The following SVIL variants were observed in gnomAD, a reference collection of about 807,000 sequenced individuals.
SVIL encodes the protein archvillin.
In SVIL, 101 loss-of-function variants were observed where a neutral mutation model predicts 240.4. That is an observed-to-expected ratio of 0.42 (90% CI 0.36 to 0.50). The LOEUF (loss-of-function observed/expected upper bound fraction) is 0.50, where lower values mean the gene tolerates loss of function less well. Ranked by LOEUF, SVIL falls within the 20% of genes least tolerant of loss-of-function variation. The probability of loss-of-function intolerance (pLI) is 0.01; values close to 1 mark genes in which losing one functional copy is unlikely to be tolerated. For missense variants in SVIL, 2,512 were observed against 2,818.7 expected (o/e 0.89, Z 2.46); for synonymous variants, 999 against 1,100.0 (o/e 0.91, Z 1.82).
intron 22 of SVIL, among the ~76,000 whole-genome samples, 199 bp downstream of exon 22, chr10:29,490,648 C>T (rs1947868253): frequency 6.6e-6 from 1 of 151,120 alleles, no homozygotes; most frequent in Non-Finnish European, 1.5e-5. Flanking sequence ...ACAGGTGATA[C>T]ACACTTTGAG....
At chr10:29,590,164 TCA>T (rs1956332199) in intron 1 of SVIL, among the ~76,000 whole-genome samples, 2 of 35,994 alleles carry the variant, frequency 5.6e-5, no homozygotes, top group African/African-American at 3.0e-4. Context: ...AGACTCCGTC[TCA>T]AAAAAAAAAA....
At chr10:29,668,085 C>G (rs538179142) in intron 2 of SVIL, among the ~76,000 whole-genome samples, 1 of 152,066 alleles carries the variant, frequency 6.6e-6, no homozygotes, top group Non-Finnish European at 1.5e-5. Flanking sequence ...TACAGGACGA[C>G]TATTAATAGC....
Position 29,487,240 on chromosome 10 carries a change from C to G in SVIL, c.4408G>C (p.Asp1470His). ...TGGGGAGAGAGCAGGAGGAAGCAGTCCCCACTGTTGAGCGCCGAAGCTCGA... is the reference window on the plus strand; with the variant it reads ...TGGGGAGAGAGCAGGAGGAAGCAGTGCCCACTGTTGAGCGCCGAAGCTCGA... ...EPRASALNSG[D>H]CFLLLSPHCC... The change falls in exon 24 of 38, where the codon GAC becomes CAC. Residue 1470 changes from aspartate (D) to histidine (H), a missense_variant. By Grantham distance (81) the Asp-to-His change is moderately conservative (BLOSUM62 -1). Transcript: ENST00000355867. 1.5e-5 allele frequency: 24 copies of G among 1,614,140 alleles called. No individual in the cohort carries two copies. The highest frequency in any genetic ancestry group is 1.9e-5 in the Non-Finnish European group (23 of 1,180,006).
intron 1 of SVIL, among the ~76,000 whole-genome samples, chr10:29,587,431 C>T (rs1464839727): frequency 2.0e-5 from 3 of 152,228 alleles, no homozygotes; most frequent in South Asian, 2.1e-4. Context: ...GCACAATGCA[C>T]GCTCTGGGCT....
chr10:29,691,232 G>A (rs1478231891), intron 1 of SVIL, among the ~76,000 whole-genome samples: 2 of 142,002 alleles, frequency 1.4e-5, no homozygotes, highest in African/African-American at 5.3e-5. Context: ...TTTTTTTTGA[G>A]ACGGAGTCTC....
chr10:29,640,663 G>A (rs1958454949), intron 3 of SVIL, among the ~76,000 whole-genome samples: 1 of 152,134 alleles, frequency 6.6e-6, no homozygotes, highest in South Asian at 2.1e-4. Flanking sequence ...TCGGCAACTT[G>A]GCCACCCAAA....
At chr10:29,722,003 C>T (rs535458084) in intron 1 of SVIL, among the ~76,000 whole-genome samples, 30 of 152,022 alleles carry the variant, frequency 2.0e-4, no homozygotes, top group Admixed American at 1.2e-3. Context: ...TTTGGGAGGC[C>T]GAGGCAGGCG....
intron 36 of SVIL, among the ~76,000 whole-genome samples, chr10:29,460,027 G>T (rs1273218815): frequency 6.6e-6 from 1 of 152,140 alleles, no homozygotes; most frequent in African/African-American, 2.4e-5. Flanking sequence ...AGGGGTTCAA[G>T]GTTTGTGTGA....
At chr10:29,597,684 A>G (rs1956650253) in intron 1 of SVIL, among the ~76,000 whole-genome samples, 1 of 151,996 alleles carries the variant, frequency 6.6e-6, no homozygotes, top group Non-Finnish European at 1.5e-5. Context: ...ACAGGCGTGA[A>G]CCACCACGCC....
chr10:29,574,659 T>G (rs1462789352), intron 1 of SVIL, among the ~76,000 whole-genome samples: 2 of 152,182 alleles, frequency 1.3e-5, no homozygotes, highest in African/African-American at 4.8e-5. Flanking sequence ...CCACATGCTC[T>G]GACTCTCCCC....
intron 12 of SVIL, among the ~76,000 whole-genome samples, chr10:29,528,252 A>G (rs892506367): frequency 9.2e-5 from 14 of 152,306 alleles, no homozygotes; most frequent in Admixed American, 7.8e-4. Flanking sequence ...CTTAGCTACA[A>G]ATGCACCAAG....
At chr10:29,665,227 CAAA>C (rs58164251) in intron 2 of SVIL, among the ~76,000 whole-genome samples, 13 of 67,408 alleles carry the variant, frequency 1.9e-4, no homozygotes, top group African/African-American at 3.1e-4. Flanking sequence ...GATCTTGTCT[CAAA>C]AAAAAAAAAA....
At chr10:29,672,383 T>A (rs143443934) in intron 2 of SVIL, among the ~76,000 whole-genome samples, 2 of 152,116 alleles carry the variant, frequency 1.3e-5, no homozygotes, top group Non-Finnish European at 2.9e-5. Flanking sequence ...AATGCCATCC[T>A]GGATCACCTA....
intron 26 of SVIL, among the ~76,000 whole-genome samples, chr10:29,485,391 A>ATT (rs1947300815): frequency 6.6e-6 from 1 of 152,240 alleles, no homozygotes; most frequent in African/African-American, 2.4e-5. Flanking sequence ...GGTTCATTTT[A>ATT]TTCTTTCTCC....
At chr10:29,606,014 A>C (rs1473033454) in intron 1 of SVIL, among the ~76,000 whole-genome samples, 6 of 152,040 alleles carry the variant, frequency 3.9e-5, no homozygotes, top group Non-Finnish European at 8.8e-5. Flanking sequence ...GGGTTCAAGC[A>C]GTTCTCCTGC....
intron 1 of SVIL, among the ~76,000 whole-genome samples, chr10:29,734,663 C>T (rs748329031): frequency 8.6e-4 from 131 of 152,272 alleles, no homozygotes; most frequent in Non-Finnish European, 1.1e-3. Flanking sequence ...TAAGACAAGA[C>T]ACGAAAACGT....
intron 2 of SVIL, among the ~76,000 whole-genome samples, chr10:29,680,588 C>T (rs943347255): frequency 1.3e-5 from 2 of 152,166 alleles, no homozygotes; most frequent in Non-Finnish European, 2.9e-5. Flanking sequence ...GTGTACCATG[C>T]ATTTAAGAAG....
At position 29,522,563 on chromosome 10, in the gene SVIL, G is replaced by A. The variant is rs763956368; in HGVS notation, c.3236C>T (p.Ala1079Val). The change falls in exon 16 of 38, where the codon GCC becomes GTC. Residue 1079 changes from alanine (A) to valine (V), a missense_variant. Coordinates refer to ENST00000355867, the MANE Select transcript of SVIL (RefSeq NM_021738.3). ...ATCCTGGGGCTTCCAGGACACGGGG[G>A]CTGTGGTTTGAGCAATAGTTTTCCC... is the stretch of plus-strand genomic sequence containing the variant. ...AAGKTIAQTTAPVSWKPQDSS... is the reference protein window; with the variant it reads ...AAGKTIAQTTVPVSWKPQDSS... 6.2e-7 allele frequency: 1 copy of A among 1,614,198 alleles called. No homozygotes were observed. The highest frequency in any genetic ancestry group is 8.5e-7 in the Non-Finnish European group (1 of 1,180,034).
chr10:29,667,843 A>G (rs1959441328), intron 2 of SVIL, among the ~76,000 whole-genome samples: 1 of 146,422 alleles, frequency 6.8e-6, no homozygotes, highest in Non-Finnish European at 1.5e-5. Context: ...TGACACAGCA[A>G]GACCCTGTCT....
Sources: gnomAD v4.1 joint callset for allele counts (sites outside exome capture counted in the v4.1 genomes callset) on GRCh38, gnomAD v4.1.1 for gene constraint, MANE v1.5 for transcripts, NCBI Gene and HGNC (gene_info 2026-07-23, HGNC 2026-07-21) for gene names.